The following GALNT17 variants were observed in gnomAD, a reference collection of about 807,000 sequenced individuals.
GALNT17 encodes UDP-GalNAc:polypeptide N-acetylgalactosaminyltransferase-like 3.
A neutral mutation model predicts 63.7 loss-of-function variants in GALNT17; 29 were observed. The ratio of observed to expected loss-of-function variants is 0.46; its 90% CI spans 0.34 to 0.62. The LOEUF is 0.62. Among genes scored for constraint, GALNT17 ranks in the 20% least tolerant of loss-of-function variants. The pLI is 0.01. For missense variants in GALNT17, 603 were observed against 799.6 expected, an observed-to-expected ratio of 0.75 and a Z score of 2.97; for synonymous variants, 305 against 318.3, an observed-to-expected ratio of 0.96 and a Z score of 0.45.
intron 5 of GALNT17, among the ~76,000 whole-genome samples, chr7:71,566,942 G>C (rs969342449): frequency 6.6e-6 from 1 of 152,020 alleles, no homozygotes; most frequent in African/African-American, 2.4e-5. Context: ...TCAATCATCC[G>C]TGTGCATGGA....
chr7:71,356,298 T>C (rs774585222), intron 2 of GALNT17, among the ~76,000 whole-genome samples: 1 of 152,174 alleles, frequency 6.6e-6, no homozygotes, highest in Admixed American at 6.5e-5. Flanking sequence ...TCACAAGATT[T>C]GTAGTTCAAA....
chr7:71,409,058 A>T (rs1793384905), intron 3 of GALNT17, among the ~76,000 whole-genome samples: 1 of 150,968 alleles, frequency 6.6e-6, no homozygotes, highest in Non-Finnish European at 1.5e-5. Flanking sequence ...ACACATTTAA[A>T]TATATCTATA....
At chr7:71,314,991 A>G (rs774268456) in intron 1 of GALNT17, among the ~76,000 whole-genome samples, 1 of 152,218 alleles carries the variant, frequency 6.6e-6, no homozygotes, top group Non-Finnish European at 1.5e-5. Context: ...GAATATTTTT[A>G]TCACTCTGAA....
intron 5 of GALNT17, among the ~76,000 whole-genome samples, chr7:71,483,604 C>T (rs1011387934): frequency 2.0e-5 from 3 of 151,334 alleles, no homozygotes; most frequent in South Asian, 4.2e-4. Flanking sequence ...GTCACCCAGG[C>T]TAGAGTGCAG....
At chr7:71,177,562 GA>G (rs1400516036) in intron 1 of GALNT17, among the ~76,000 whole-genome samples, 1 of 152,098 alleles carries the variant, frequency 6.6e-6, no homozygotes, top group African/African-American at 2.4e-5. Context: ...GGAGAAGGGG[GA>G]AAGTATCAGG....
intron 5 of GALNT17, among the ~76,000 whole-genome samples, chr7:71,534,002 T>A (rs2116787654): frequency 6.6e-6 from 1 of 152,244 alleles, no homozygotes; most frequent in East Asian, 1.9e-4. Context: ...GTTGTCCAGA[T>A]GCGGTAATCT....
chr7:71,436,006 C>T lies in GALNT17; in HGVS notation c.962+14901C>T, dbSNP rs185613427. Among the ~76,000 whole-genome samples, 54 of 137,828 alleles carry T rather than the reference C, an allele frequency of 3.9e-4. 4 individuals carry two copies. The highest frequency in any genetic ancestry group is 3.7e-3 in the East Asian group (16 of 4,360). 90.4% of individuals were successfully genotyped at this position (137,828 alleles called of 152,430 possible). A position where few individuals can be genotyped will look rare whatever the true frequency, so the allele number is the denominator to read the frequency against. On this transcript the variant is annotated intron_variant, in intron 5 of 10. Transcript: ENST00000333538. Reference sequence around the variant, plus strand: ...CTGCACTCCAGCCTGGGTTACAGAACGAGACTCCTTCTCAAAAAAAAGAAA... The same window carrying T: ...CTGCACTCCAGCCTGGGTTACAGAATGAGACTCCTTCTCAAAAAAAAGAAA...
rs1005269864 is a variant in GALNT17 at position 71,624,556 on chromosome 7, G to A, written c.1081-40855G>A. The stretch of plus-strand genomic sequence containing the variant: ...TCATCAGTAAGTGTCATTCACTGCT[G>A]TAGAGCACCCTTTCTCAAACTCTGG... On this transcript the variant is annotated intron_variant, in intron 6 of 10. Transcript: ENST00000333538. Among the ~76,000 whole-genome samples, 11 of 152,226 alleles carry A rather than the reference G, an allele frequency of 7.2e-5. No individual in the cohort carries two copies. The South Asian group carries it at 1.0e-3, about 14-fold the overall frequency.
At chr7:71,199,642 G>A (rs988468292) in intron 1 of GALNT17, among the ~76,000 whole-genome samples, 4 of 41,006 alleles carry the variant, frequency 9.8e-5, no homozygotes, top group Non-Finnish European at 1.8e-4. Context: ...CCCATCCACC[G>A]ACCCACCCAT....
In GALNT17 at chr7:71,329,734, C is replaced by G. The variant is rs573925911; in HGVS notation, c.239-5816C>G. Reference sequence around the variant, plus strand: ...ATGAGAACTCACTCTATCACAAGAACAGCAAGAGGGAAATTCGACCCCATG... The same window carrying G: ...ATGAGAACTCACTCTATCACAAGAAGAGCAAGAGGGAAATTCGACCCCATG... On this transcript the variant is annotated intron_variant, in intron 1 of 10. Transcript: ENST00000333538. Among the ~76,000 whole-genome samples the G allele has an allele frequency of 7.9e-5, 12 of 152,056 alleles. No homozygotes were observed. In the East Asian group the frequency reaches 2.1e-3, roughly 27 times the overall value.
At chr7:71,240,329 G>A (rs972298440) in intron 1 of GALNT17, among the ~76,000 whole-genome samples, 12 of 152,118 alleles carry the variant, frequency 7.9e-5, no homozygotes, top group African/African-American at 2.2e-4. Context: ...TTGTTACAAC[G>A]GTTTATTGCA....
intron 3 of GALNT17, among the ~76,000 whole-genome samples, chr7:71,415,137 G>C (rs1240933512): frequency 6.6e-6 from 1 of 152,082 alleles, no homozygotes; most frequent in Non-Finnish European, 1.5e-5. Context: ...CCGAGTAGCC[G>C]GAAGTACAGG....
At chr7:71,317,254 G>C (rs1384649979) in intron 1 of GALNT17, among the ~76,000 whole-genome samples, 1 of 152,224 alleles carries the variant, frequency 6.6e-6, no homozygotes, top group African/African-American at 2.4e-5. Flanking sequence ...GAATAGTGAA[G>C]ATTGAGGAAT....
intron 5 of GALNT17, among the ~76,000 whole-genome samples, chr7:71,491,747 G>A (rs1197001850): frequency 6.6e-6 from 1 of 152,160 alleles, no homozygotes; most frequent in Non-Finnish European, 1.5e-5. Context: ...GTCAGGAGCA[G>A]GCCTGAGAAT....
chr7:71,335,617 T>A lies in GALNT17; in HGVS notation c.306T>A (p.Thr102=). ...GGGGTAAAGGGGGCCTTCCGGCTAC[T>A]CTTTCCCCGGCTGAAGAAGAAAAGG... ...GGRGKGGLPA[T]LSPAEEEKAK... Residue 102 remains threonine (T), a synonymous_variant, in exon 2 of 11, where the codon ACT becomes ACA. Coordinates refer to ENST00000333538, the MANE Select transcript of GALNT17 (RefSeq NM_022479.3). 6.2e-7 allele frequency: 1 copy of A among 1,613,078 alleles called. No homozygotes were observed. Among genetic ancestry groups the A allele is most frequent in the Admixed American group, 1.7e-5 (1 of 59,918 alleles).
chr7:71,211,356 C>A (rs1162495472), intron 1 of GALNT17, among the ~76,000 whole-genome samples: 1 of 152,148 alleles, frequency 6.6e-6, no homozygotes, highest in Non-Finnish European at 1.5e-5. Context: ...ATGTAAGATG[C>A]GGCATGTGCC....
At chr7:71,617,423 G>A (rs1196418663) in intron 6 of GALNT17, among the ~76,000 whole-genome samples, 1 of 151,150 alleles carries the variant, frequency 6.6e-6, no homozygotes, top group Non-Finnish European at 1.5e-5. Context: ...CTAGGTTCAA[G>A]CAATTCTCCT....
intron 9 of GALNT17, among the ~76,000 whole-genome samples, chr7:71,699,171 CAAAAAAAA>C (rs59124269): frequency 1.3e-5 from 1 of 77,294 alleles, no homozygotes; most frequent in African/African-American, 4.9e-5. Flanking sequence ...GACTCCATCT[CAAAAAAAA>C]AAAAAAAAAA....
chr7:71,398,866 G>C (rs1334373298), intron 3 of GALNT17, among the ~76,000 whole-genome samples: 2 of 152,174 alleles, frequency 1.3e-5, no homozygotes, highest in Non-Finnish European at 2.9e-5. Context: ...TTAAAAAGCT[G>C]ATCAGACATT....
Sources: allele counts gnomAD v4.1 joint callset (sites outside exome capture counted in the v4.1 genomes callset), GRCh38; gene constraint gnomAD v4.1.1; transcripts MANE v1.5; gene names NCBI Gene and HGNC (gene_info 2026-07-23, HGNC 2026-07-21).